Variants in SV2B observed in about 807,000 individuals in gnomAD.
SV2B encodes solute carrier family 22 member B2.
Under a neutral mutation model 73.9 loss-of-function variants are expected in SV2B, and 41 were observed. That is an observed-to-expected ratio of 0.56 (90% confidence interval 0.43 to 0.72). The LOEUF is 0.72. Ranked by LOEUF, SV2B falls within the 30% of genes least tolerant of loss-of-function variation. SV2B has a pLI of 0.00. For synonymous variants in SV2B, 314 were observed against 314.2 expected (o/e 1.00, Z 0.01); for missense variants, 764 against 857.8 (o/e 0.89, Z 1.37).
chr15:91,282,541 AT>A (rs987015053), intron 10 of SV2B, among the ~76,000 whole-genome samples: 13 of 151,554 alleles, frequency 8.6e-5, no homozygotes, highest in South Asian at 8.3e-4. Flanking sequence ...GAAATGTACT[AT>A]TTTTTTTTAA....
Position 91,290,581 on chromosome 15 carries a change from A to G in SV2B, c.1868+901A>G, listed in dbSNP as rs2049007680. On this transcript the variant is annotated intron_variant, in intron 12 of 12. Transcript: ENST00000394232. The surrounding 1 kb of genome is among the most constrained non-coding windows in gnomAD (Gnocchi z 4.7). Reference sequence around the variant, plus strand: ...TCAGTAATAAAACGAAATTATGTATAGGTTTTAAAATATATCGAAAAAGTT... The same window carrying G: ...TCAGTAATAAAACGAAATTATGTATGGGTTTTAAAATATATCGAAAAAGTT... 6.6e-6 allele frequency among the ~76,000 whole-genome samples: 1 copy of G among 152,246 alleles called. No homozygotes were observed. Among genetic ancestry groups the G allele is most frequent in the Admixed American group, 6.5e-5 (1 of 15,288 alleles).
At chr15:91,187,672 T>TAA (rs1193550315) in intron 1 of SV2B, among the ~76,000 whole-genome samples, 29 of 147,842 alleles carry the variant, frequency 2.0e-4, no homozygotes, top group African/African-American at 7.1e-4. Context: ...TTTTTTTTTT[T>TAA]AAATTGTGGC....
At chr15:91,191,063 C>CTTTTTTGTTTTTTTTTTTTTTTTTTTTT (rs2044996352) in intron 1 of SV2B, among the ~76,000 whole-genome samples, 1 of 64,238 alleles carries the variant, frequency 1.6e-5, no homozygotes, top group Non-Finnish European at 3.1e-5. Context: ...TTTGGTGTTT[C>CTTTTTTGTTTTTTTTTTTTTTTTTTTTT]TTTTTTTTTT....
Position 91,226,416 on chromosome 15 carries a change from G to A in SV2B, c.153G>A (p.Gln51=), listed in dbSNP as rs765475068. The A allele has an allele frequency of 2.5e-6, 4 of 1,614,074 alleles. No homozygotes were observed. Among genetic ancestry groups the A allele is most frequent in the South Asian group, 2.2e-5 (2 of 91,090 alleles). ...ACGAGATCTATGAGGGCGAGTACCA[G>A]GGTATCCCTCACCCAGATGATGTCA... is the stretch of plus-strand genomic sequence containing the variant. ...EEDEIYEGEY[Q]GIPHPDDVKA... Residue 51 remains glutamine, a synonymous_variant, in exon 2 of 13, where the codon CAG becomes CAA. Transcript: ENST00000394232.
intron 1 of SV2B, among the ~76,000 whole-genome samples, chr15:91,194,398 C>G (rs1476087422): frequency 6.6e-6 from 1 of 152,098 alleles, no homozygotes; most frequent in African/African-American, 2.4e-5. Context: ...GGGTTGCTTC[C>G]AGTTTGGAGC....
intron 1 of SV2B, among the ~76,000 whole-genome samples, chr15:91,207,940 A>G (rs544779103): frequency 7.2e-5 from 11 of 152,268 alleles, no homozygotes; most frequent in African/African-American, 2.6e-4. Flanking sequence ...AAGGTCAGAG[A>G]GTGACTTTCC....
At position 91,129,992 on chromosome 15, in the gene SV2B, T is replaced by C. The variant is rs1043878302; in HGVS notation, c.-392+29629T>C. ...GATATTAACAACCATTCCAAGGAGATGGCCGTCAACGCTAGGGGTGGATAA... is the reference window on the plus strand; with the variant it reads ...GATATTAACAACCATTCCAAGGAGACGGCCGTCAACGCTAGGGGTGGATAA... On this transcript the variant is annotated intron_variant, in intron 1 of 12. Coordinates refer to ENST00000394232, the MANE Select transcript of SV2B (RefSeq NM_001323032.3). The surrounding 1 kb of genome is among the most constrained non-coding windows in gnomAD (Gnocchi z 5.1). Among the ~76,000 whole-genome samples, 1 of 152,148 alleles carries C rather than the reference T, an allele frequency of 6.6e-6. No individual in the cohort carries two copies. The highest frequency in any genetic ancestry group is 2.4e-5 in the African/African-American group (1 of 41,432).
At chr15:91,276,948 A>G (rs912902172) in intron 9 of SV2B, among the ~76,000 whole-genome samples, 5 of 151,960 alleles carry the variant, frequency 3.3e-5, no homozygotes, top group African/African-American at 1.2e-4. Context: ...AGCCTCCTGA[A>G]TAAGTGGGAT....
chr15:91,221,109 T>C (rs1212385897), intron 1 of SV2B, among the ~76,000 whole-genome samples: 3 of 152,046 alleles, frequency 2.0e-5, no homozygotes, highest in Non-Finnish European at 4.4e-5. Context: ...CAAGCAATCC[T>C]CCCACCTCAG....
chr15:91,099,802 C>A (rs938504697), upstream of SV2B: 1 of 152,242 alleles, frequency 6.6e-6, no homozygotes, highest in Admixed American at 6.5e-5. Context: ...TTCCCGGGAA[C>A]TTGCGTCTAG....
chr15:91,275,869 C>A (rs1187683559), intron 9 of SV2B, among the ~76,000 whole-genome samples: 1 of 152,072 alleles, frequency 6.6e-6, no homozygotes, highest in African/African-American at 2.4e-5. Flanking sequence ...TAGAGATCTT[C>A]ATTTCTTTGT....
intron 1 of SV2B, among the ~76,000 whole-genome samples, chr15:91,176,224 AT>A (rs958981609): frequency 2.0e-4 from 31 of 152,144 alleles, no homozygotes; most frequent in African/African-American, 6.3e-4. Context: ...TGAACTCATC[AT>A]TTTTTTATGG....
intron 1 of SV2B, among the ~76,000 whole-genome samples, chr15:91,225,240 C>T (rs574018568): frequency 6.6e-6 from 1 of 152,210 alleles, no homozygotes; most frequent in Admixed American, 6.5e-5. Flanking sequence ...CATATGAGGA[C>T]AGAGTGGCCT....
In SV2B at chr15:91,253,223, A is replaced by C. The variant is rs566759170; in HGVS notation, c.784+703A>C. ...TTGACTTTGATTCTGCTTTTGGAGT[A>C]TACTTAGTAATACTATCATCATCAT... On this transcript the variant is annotated intron_variant, in intron 4 of 12. Transcript: ENST00000394232. This position sits in a 1 kb window ranked among gnomAD's most constrained non-coding sequence, Gnocchi z 5.0. Among the ~76,000 whole-genome samples the C allele has an allele frequency of 6.6e-6, 1 of 152,242 alleles. No homozygotes were observed. The highest frequency in any genetic ancestry group is 2.4e-5 in the African/African-American group (1 of 41,458).
Position 91,121,900 on chromosome 15 carries a change from G to A in SV2B, c.-392+21537G>A, listed in dbSNP as rs1292675968. Among the ~76,000 whole-genome samples the A allele has an allele frequency of 4.0e-5, 6 of 151,176 alleles. No individual in the cohort carries two copies. Among genetic ancestry groups the A allele is most frequent in the African/African-American group, 1.5e-4 (6 of 41,042 alleles). ...CGCCATTCTCCTGCCTCAGCCTCCC[G>A]AGTAGCTGGGACTACAGGTGCCTGC... is the stretch of plus-strand genomic sequence containing the variant. On this transcript the variant is annotated intron_variant, in intron 1 of 12. Coordinates refer to ENST00000394232, the MANE Select transcript of SV2B (RefSeq NM_001323032.3). The surrounding 1 kb of genome is among the most constrained non-coding windows in gnomAD (Gnocchi z 4.4).
chr15:91,291,443 G>A (rs1436636037), intron 12 of SV2B, among the ~76,000 whole-genome samples: 2 of 152,180 alleles, frequency 1.3e-5, no homozygotes, highest in Admixed American at 6.5e-5. Flanking sequence ...CTTGTGGTAT[G>A]AGAAAGAAAC....
chr15:91,257,557 TAGA>T (rs1443110966), intron 4 of SV2B, among the ~76,000 whole-genome samples: 2 of 152,214 alleles, frequency 1.3e-5, no homozygotes, highest in Non-Finnish European at 1.5e-5. Context: ...CATTGGAATG[TAGA>T]AGTTCAGTCC....
Position 91,295,490 on chromosome 15 carries a change from G to A in SV2B, c.*2938G>A, listed in dbSNP as rs1196729484. On this transcript the variant is annotated 3_prime_UTR_variant, in exon 13 of 13. Transcript: ENST00000394232. Reference sequence around the variant, plus strand: ...TATTCCAAAATTGATTGAATCAGCTGGGAGAAACATTGAGAATCGCTTCCT... The same window carrying A: ...TATTCCAAAATTGATTGAATCAGCTAGGAGAAACATTGAGAATCGCTTCCT... 6.6e-6 allele frequency: 1 copy of A among 152,210 alleles called. No individual in the cohort carries two copies. Among genetic ancestry groups the A allele is most frequent in the Non-Finnish European group, 1.5e-5 (1 of 68,020 alleles). The allele number at this position is 152,210 out of a possible 1,614,324, so 9.4% of individuals were successfully genotyped here. A position where few individuals can be genotyped will look rare whatever the true frequency, so the allele number is the denominator to read the frequency against.
chr15:91,146,329 A>G (rs950304070), intron 1 of SV2B, among the ~76,000 whole-genome samples: 4 of 152,102 alleles, frequency 2.6e-5, no homozygotes, highest in South Asian at 2.1e-4. Context: ...AACCAGTACC[A>G]TGCTGTTTTG....
Sources: allele counts gnomAD v4.1 joint callset (sites outside exome capture counted in the v4.1 genomes callset), GRCh38; gene constraint gnomAD v4.1.1; non-coding constraint Gnocchi (gnomAD v3.1); transcripts MANE v1.5; gene names NCBI Gene and HGNC (gene_info 2026-07-23, HGNC 2026-07-21).